UBR3: variants seen among roughly 807,000 people sequenced by gnomAD.
The protein encoded by UBR3 is E3 ubiquitin-protein ligase UBR3.
A neutral mutation model predicts 243.2 loss-of-function variants in UBR3; 85 were observed. The observed-to-expected ratio is 0.35, with a 90% CI of 0.29 to 0.42. The LOEUF is 0.42. UBR3 is among the 10% of genes least tolerant of loss of function. The pLI, the probability that UBR3 is intolerant of heterozygous loss-of-function variation, is 1.00. For missense variants in UBR3, 1,686 were observed against 2,300.8 expected, an observed-to-expected ratio of 0.73 and a Z score of 5.47; for synonymous variants, 748 against 799.8, an observed-to-expected ratio of 0.94 and a Z score of 1.09.
At chr2:169,978,712 G>A (rs1455824292) in intron 24 of UBR3, among the ~76,000 whole-genome samples, 1 of 152,060 alleles carries the variant, frequency 6.6e-6, no homozygotes, top group East Asian at 1.9e-4. Flanking sequence ...TGTCATTTGG[G>A]CCCTTGAGGG....
At chr2:169,907,596 G>C (rs936335805) in intron 10 of UBR3, among the ~76,000 whole-genome samples, 1 of 151,706 alleles carries the variant, frequency 6.6e-6, no homozygotes, top group Non-Finnish European at 1.5e-5. Context: ...ACTGTAATCT[G>C]TCTCAATACC....
At chr2:170,075,645 C>A (rs927362004) in intron 36 of UBR3, among the ~76,000 whole-genome samples, 1 of 152,048 alleles carries the variant, frequency 6.6e-6, no homozygotes, top group African/African-American at 2.4e-5. Flanking sequence ...CCTGTATTCC[C>A]CCTTGTGTCC....
At position 170,056,180 on chromosome 2, in the gene UBR3, G is replaced by A. The variant is rs1309654144; in HGVS notation, c.4785+596G>A. On this transcript the variant is annotated intron_variant, in intron 33 of 38. Coordinates refer to ENST00000272793, the MANE Select transcript of UBR3 (RefSeq NM_172070.4). ...CTGCCACCATGCCCAGCTAATTTTT[G>A]TATTTTTAGTAGAGACAGGGTTTCA... Among the ~76,000 whole-genome samples, 4 of 151,646 alleles carry A rather than the reference G, an allele frequency of 2.6e-5. No homozygotes were observed. In the East Asian group the frequency reaches 7.7e-4, roughly 29 times the overall value.
chr2:170,001,384 T>A lies in UBR3; in HGVS notation c.3999T>A (p.Asp1333Glu), dbSNP rs1325895731. The A allele has an allele frequency of 6.2e-7, 1 of 1,613,592 alleles. No homozygotes were observed. The highest frequency in any genetic ancestry group is 8.5e-7 in the Non-Finnish European group (1 of 1,179,700). The stretch of plus-strand genomic sequence containing the variant: ...CCTGTGGTCACACATTACATATAGA[T>A]TGTCATAAATCTTACATGGAATCAT... ...VQTCGHTLHI[D>E]CHKSYMESLR... The change falls in exon 27 of 39, where the codon GAT becomes GAA. Residue 1333 changes from aspartate (D) to glutamate (E), a missense_variant. Coordinates refer to ENST00000272793, the MANE Select transcript of UBR3 (RefSeq NM_172070.4).
intron 24 of UBR3, among the ~76,000 whole-genome samples, chr2:169,985,248 G>A (rs111969647): frequency 0.048 from 6,033 of 126,524 alleles, 145 homozygotes; most frequent in Middle Eastern, 0.076. Context: ...TTTTTTCTGA[G>A]ACGTAGTTTC....
chr2:170,002,639 G>A (rs1335460305), intron 27 of UBR3, among the ~76,000 whole-genome samples: 2 of 152,110 alleles, frequency 1.3e-5, no homozygotes, highest in Non-Finnish European at 2.9e-5. Context: ...AGCTCTGGTA[G>A]ACCTTTCTCC....
intron 3 of UBR3, among the ~76,000 whole-genome samples, chr2:169,876,659 G>A (rs1445722427): frequency 6.6e-6 from 1 of 151,832 alleles, no homozygotes; most frequent in Non-Finnish European, 1.5e-5. Flanking sequence ...CTGGGTTCAA[G>A]CGATTCTCCT....
chr2:169,956,337 C>T (rs1056767381), intron 23 of UBR3, among the ~76,000 whole-genome samples: 2 of 148,996 alleles, frequency 1.3e-5, no homozygotes, highest in Admixed American at 6.7e-5. Flanking sequence ...AAATCAACTC[C>T]CTTATATATA....
At chr2:169,914,894 A>C (rs957637802) in intron 11 of UBR3, among the ~76,000 whole-genome samples, 3 of 151,398 alleles carry the variant, frequency 2.0e-5, no homozygotes, top group African/African-American at 7.3e-5. Context: ...TTCTGTTTAA[A>C]AAATTTTTGA....
At chr2:169,940,506 A>C (rs555896041) in intron 19 of UBR3, among the ~76,000 whole-genome samples, 1 of 152,240 alleles carries the variant, frequency 6.6e-6, no homozygotes, top group South Asian at 2.1e-4. Flanking sequence ...TTTGAGATTT[A>C]CTTTGCATTC....
At chr2:170,076,450 A>G (rs2091812070) in intron 36 of UBR3, among the ~76,000 whole-genome samples, 1 of 152,198 alleles carries the variant, frequency 6.6e-6, no homozygotes, top group Admixed American at 6.5e-5. Flanking sequence ...CTGATGTCAC[A>G]TATAGTCCTT....
chr2:169,836,804 G>A lies in UBR3; in HGVS notation c.545+8752G>A, dbSNP rs924877813. On this transcript the variant is annotated intron_variant, in intron 1 of 38. Coordinates refer to ENST00000272793, the MANE Select transcript of UBR3 (RefSeq NM_172070.4). ...ATTTGGGCTTCTTTCTTGGTGAACTGCTGGTTCATATTATTTGCCTGTTTT... is the reference window on the plus strand; with the variant it reads ...ATTTGGGCTTCTTTCTTGGTGAACTACTGGTTCATATTATTTGCCTGTTTT... Among the ~76,000 whole-genome samples the A allele has an allele frequency of 3.3e-5, 5 of 151,958 alleles. No homozygotes were observed. The South Asian group carries it at 1.0e-3, about 32-fold the overall frequency.
At position 169,857,064 on chromosome 2, in the gene UBR3, G is replaced by GTTTTTTTTTTTTTTTTTT. The variant is rs770674966; in HGVS notation, c.546-15162_546-15145dup. ...ATGATTTCCAGCATAATTTTATTAT[G>GTTTTTTTTTTTTTTTTTT]TTTTTTTTTTTTTTTTTTTTTTTTT... On this transcript the variant is annotated intron_variant, in intron 1 of 38. Transcript: ENST00000272793. 7.5e-4 allele frequency among the ~76,000 whole-genome samples: 42 copies of GTTTTTTTTTTTTTTTTTT among 56,080 alleles called. 10 individuals are homozygous for GTTTTTTTTTTTTTTTTTT. The highest frequency in any genetic ancestry group is 1.7e-3 in the East Asian group (2 of 1,150). 36.8% of individuals were successfully genotyped at this position (56,080 alleles called of 152,430 possible).
chr2:169,851,378 C>T (rs1411142698), intron 1 of UBR3, among the ~76,000 whole-genome samples: 1 of 152,214 alleles, frequency 6.6e-6, no homozygotes, highest in Non-Finnish European at 1.5e-5. Context: ...ATACGCCTGC[C>T]TCAACCTCCC....
chr2:169,943,075 G>A (rs1022189736), intron 20 of UBR3, among the ~76,000 whole-genome samples: 13 of 152,180 alleles, frequency 8.5e-5, no homozygotes, highest in Non-Finnish European at 1.5e-4. Context: ...GGATTTGAGT[G>A]TGGTTTCTAT....
intron 30 of UBR3, among the ~76,000 whole-genome samples, chr2:170,016,551 T>G (rs2090240856): frequency 6.6e-6 from 1 of 151,936 alleles, no homozygotes; most frequent in Non-Finnish European, 1.5e-5. Context: ...ATCATTTTAG[T>G]TATATAAATT....
At chr2:170,029,255 T>A in intron 30 of UBR3, 91 bp from the exon 31 acceptor site, 1 of 1,011,866 alleles carries the variant, frequency 9.9e-7, no homozygotes, top group Non-Finnish European at 1.4e-6. Flanking sequence ...GGGAAACAGA[T>A]TTCCTTATGA....
intron 26 of UBR3, among the ~76,000 whole-genome samples, chr2:170,000,345 A>G (rs1195569901): frequency 1.3e-5 from 2 of 152,240 alleles, no homozygotes; most frequent in South Asian, 2.1e-4. Context: ...TAAGGAGACG[A>G]GTTAAGAAAC....
At chr2:169,928,701 TA>T (rs2086003068) in intron 17 of UBR3, 25 bp from the exon 18 acceptor site, 23 of 1,437,804 alleles carry the variant, frequency 1.6e-5, no homozygotes, top group Non-Finnish European at 2.0e-5. Flanking sequence ...TTGTTACTAA[TA>T]TTTTTTTCTT....
Sources: gnomAD v4.1 joint callset for allele counts (sites outside exome capture counted in the v4.1 genomes callset) on GRCh38, gnomAD v4.1.1 for gene constraint, MANE v1.5 for transcripts, NCBI Gene and HGNC (gene_info 2026-07-23, HGNC 2026-07-21) for gene names.